The following SKIL variants were observed in gnomAD, a reference collection of about 807,000 sequenced individuals.
SKIL encodes ski-like protein.
Under a neutral mutation model 69.6 loss-of-function variants are expected in SKIL, and 20 were observed. The observed-to-expected ratio is 0.29, with a 90% CI of 0.20 to 0.42. The LOEUF (loss-of-function observed/expected upper bound fraction) is 0.42. SKIL is among the 10% of genes least tolerant of loss of function. The probability of loss-of-function intolerance (pLI) is 1.00; values close to 1 mark genes in which losing one functional copy is unlikely to be tolerated. For missense variants in SKIL, 745 were observed against 783.1 expected (o/e 0.95, Z 0.58); for synonymous variants, 310 against 279.9 (o/e 1.11, Z -1.08).
In SKIL at chr3:170,376,173, G is replaced by T. The variant is rs369690138; in HGVS notation, c.1099-5071G>T. On this transcript the variant is annotated intron_variant, in intron 2 of 6. Coordinates refer to ENST00000259119, the MANE Select transcript of SKIL (RefSeq NM_005414.5). ...AGTGATTCTCCTGCCTCAGCCTCCC[G>T]AGTAGCTGGGATTACAGGGATGCAC... is the stretch of plus-strand genomic sequence containing the variant. Among the ~76,000 whole-genome samples the T allele has an allele frequency of 7.0e-4, 103 of 148,192 alleles. 1 individual carries two copies. Among genetic ancestry groups the T allele is most frequent in the African/African-American group, 2.5e-3 (99 of 40,224 alleles).
chr3:170,394,995 G>C lies in SKIL; in HGVS notation c.*2578G>C, dbSNP rs1738120687. On this transcript the variant is annotated 3_prime_UTR_variant, in exon 7 of 7. Transcript: ENST00000259119. ...CACTAGGCAAGCGGATTTTTCCTCA[G>C]ACTTCAAAAAATAATTCTTTTAAGA... 1 of 151,980 alleles carries C rather than the reference G, an allele frequency of 6.6e-6. No individual in the cohort carries two copies. Among genetic ancestry groups the C allele is most frequent in the African/African-American group, 2.4e-5 (1 of 41,394 alleles). 9.4% of individuals were successfully genotyped at this position (151,980 alleles called of 1,614,324 possible).
intron 2 of SKIL, among the ~76,000 whole-genome samples, chr3:170,369,574 G>A (rs746362867): frequency 6.6e-6 from 1 of 152,070 alleles, no homozygotes; most frequent in Non-Finnish European, 1.5e-5. Context: ...GCTAATTTTT[G>A]TATTTTTTGT....
At chr3:170,358,812 G>A (rs2108888245) in intron 1 of SKIL, among the ~76,000 whole-genome samples, 1 of 152,282 alleles carries the variant, frequency 6.6e-6, no homozygotes, top group South Asian at 2.1e-4. Context: ...GATTAGTCTT[G>A]TTGAAGGATG....
intron 2 of SKIL, among the ~76,000 whole-genome samples, chr3:170,369,621 C>T (rs1736702577): frequency 6.6e-6 from 1 of 152,080 alleles, no homozygotes. Context: ...AGGCTGATCT[C>T]GAACTCCGTA....
intron 2 of SKIL, among the ~76,000 whole-genome samples, chr3:170,375,251 GAAATA>G (rs1413933267): frequency 7.9e-5 from 12 of 152,240 alleles, no homozygotes; most frequent in Non-Finnish European, 1.0e-4. Flanking sequence ...TCAAGACTAG[GAAATA>G]AAATAAAGAA....
rs865851967 is a variant in SKIL, at chr3:170,370,451, C to A, written c.1098+9022C>A. 7.4e-4 allele frequency among the ~76,000 whole-genome samples: 37 copies of A among 50,152 alleles called. 5 individuals carry two copies. The East Asian group carries it at 0.013, about 18-fold the overall frequency. 32.9% of individuals were successfully genotyped at this position (50,152 alleles called of 152,430 possible). A position where few individuals can be genotyped will look rare whatever the true frequency, so the allele number is the denominator to read the frequency against. On this transcript the variant is annotated intron_variant, in intron 2 of 6. Transcript: ENST00000259119. ...AGAGAGAGAGAGAGCCCCCCCCCCC[C>A]CCCCGAGCAGGAGTTCATCTTATAG...
Position 170,392,646 on chromosome 3 carries a change from G to A in SKIL, c.*229G>A, listed in dbSNP as rs1234502962. On this transcript the variant is annotated 3_prime_UTR_variant, in exon 7 of 7. Coordinates refer to ENST00000259119, the MANE Select transcript of SKIL (RefSeq NM_005414.5). ...GTACTTTTTTAAAAAAATCAGCTTAGTAACAATACTATATGGTTTCAACTA... is the reference window on the plus strand; with the variant it reads ...GTACTTTTTTAAAAAAATCAGCTTAATAACAATACTATATGGTTTCAACTA... 1.4e-5 allele frequency: 4 copies of A among 295,408 alleles called. No individual in the cohort carries two copies. The highest frequency in any genetic ancestry group is 2.5e-5 in the Non-Finnish European group (4 of 160,520). 18.3% of individuals were successfully genotyped at this position (295,408 alleles called of 1,614,324 possible).
chr3:170,389,267 C>A (rs113970649), intron 4 of SKIL, among the ~76,000 whole-genome samples: 1,862 of 150,108 alleles, frequency 0.012, 34 homozygotes, highest in African/African-American at 0.043. Context: ...CAACCTTATT[C>A]TTTTGCATGT....
rs1227180296 is a variant in SKIL at position 170,395,922 on chromosome 3, T to G, written c.*3505T>G. ...TGGAATTGAATAAACAGCCTAATTT[T>G]TTTTTTCTAGTATAGGGTACTTAAG... On this transcript the variant is annotated 3_prime_UTR_variant, in exon 7 of 7. Coordinates refer to ENST00000259119, the MANE Select transcript of SKIL (RefSeq NM_005414.5). 1 of 151,566 alleles carries G rather than the reference T, an allele frequency of 6.6e-6. No homozygotes were observed. Among genetic ancestry groups the G allele is most frequent in the Non-Finnish European group, 1.5e-5 (1 of 67,806 alleles). 9.4% of individuals were successfully genotyped at this position (151,566 alleles called of 1,614,324 possible). A position where few individuals can be genotyped will look rare whatever the true frequency, so the allele number is the denominator to read the frequency against.
intron 4 of SKIL, among the ~76,000 whole-genome samples, chr3:170,387,759 T>A (rs866908215): frequency 1.9e-4 from 11 of 57,690 alleles, no homozygotes; most frequent in East Asian, 7.0e-4. Context: ...CCGTCTCTAC[T>A]AAAAAAAAAA....
chr3:170,378,083 G>T (rs1316212605), intron 2 of SKIL, among the ~76,000 whole-genome samples: 1 of 151,594 alleles, frequency 6.6e-6, no homozygotes, highest in African/African-American at 2.4e-5. Context: ...TAGTAAGACA[G>T]GGTTTCACTA....
rs574619878 is a variant in SKIL, at chr3:170,390,231, A to G, written c.1438A>G (p.Ile480Val). 107 of 1,609,728 alleles carry G rather than the reference A, an allele frequency of 6.6e-5. No homozygotes were observed. The South Asian group carries it at 1.0e-3, about 15-fold the overall frequency. Residue 480 changes from isoleucine (I) to valine (V), a missense_variant, in exon 5 of 7, where the codon ATC becomes GTC. Transcript: ENST00000259119. ...ATTTTTTTCTCTCCAAGATGCATCA[A>G]TCTCAAATAATTCTACAAGTAAAAG... ...RELCSRLDAS[I>V]SNNSTSKRKS...
chr3:170,386,127 G>T (rs935707085), intron 4 of SKIL, among the ~76,000 whole-genome samples: 4 of 148,184 alleles, frequency 2.7e-5, no homozygotes, highest in Non-Finnish European at 6.0e-5. Flanking sequence ...TGGTTTTTTT[G>T]TTTGTTTGTT....
chr3:170,383,314 C>G (rs992119395), intron 3 of SKIL, among the ~76,000 whole-genome samples: 6 of 152,102 alleles, frequency 3.9e-5, no homozygotes, highest in African/African-American at 1.4e-4. Context: ...TGTCAGAAAA[C>G]TGAGATTTTG....
rs148860297 is a variant in SKIL, at chr3:170,381,590, G to A, written c.1196+249G>A. Among the ~76,000 whole-genome samples, 419 of 151,636 alleles carry A rather than the reference G, an allele frequency of 2.8e-3. 2 individuals are homozygous for A. The highest frequency in any genetic ancestry group is 0.018 in the Admixed American group (271 of 15,206). On this transcript the variant is annotated intron_variant, in intron 3 of 6. Transcript: ENST00000259119. ...GGGGACTACAGGCTCACACCACCAC[G>A]CCCTCCTAATTTTTTTAGTTTTAGT... is the stretch of plus-strand genomic sequence containing the variant.
Position 170,373,371 on chromosome 3 carries a change from G to A in SKIL, c.1099-7873G>A, listed in dbSNP as rs565987662. Among the ~76,000 whole-genome samples the A allele has an allele frequency of 1.1e-3, 166 of 151,470 alleles. 1 individual carries two copies. The highest frequency in any genetic ancestry group is 3.7e-3 in the African/African-American group (151 of 41,316). ...ATTTTATATTTTTAGTAGAGACAGGGTTTCACCATGTTGGCCGGGCTGGTC... is the reference window on the plus strand; with the variant it reads ...ATTTTATATTTTTAGTAGAGACAGGATTTCACCATGTTGGCCGGGCTGGTC... On this transcript the variant is annotated intron_variant, in intron 2 of 6. Coordinates refer to ENST00000259119, the MANE Select transcript of SKIL (RefSeq NM_005414.5).
chr3:170,391,567 C>T (rs1333317035), intron 6 of SKIL, among the ~76,000 whole-genome samples: 2 of 152,126 alleles, frequency 1.3e-5, no homozygotes, highest in Non-Finnish European at 1.5e-5. Context: ...GATCTGCCCA[C>T]CTCAGCCTCC....
intron 6 of SKIL, 62 bp from the exon 7 acceptor site, chr3:170,392,197 A>C: frequency 7.8e-7 from 1 of 1,283,042 alleles, no homozygotes; most frequent in Non-Finnish European, 1.1e-6. Flanking sequence ...ATTTTCTATG[A>C]TATGAGGATT....
chr3:170,365,444 T>A (rs1736452802), intron 2 of SKIL, among the ~76,000 whole-genome samples: 1 of 152,180 alleles, frequency 6.6e-6, no homozygotes, highest in Non-Finnish European at 1.5e-5. Flanking sequence ...TTGGAGTATT[T>A]CAGATTTTGA....
Sources: gnomAD v4.1 joint callset for allele counts (sites outside exome capture counted in the v4.1 genomes callset) on GRCh38, gnomAD v4.1.1 for gene constraint, MANE v1.5 for transcripts, NCBI Gene and HGNC (gene_info 2026-07-23, HGNC 2026-07-21) for gene names.